The following SPG7 variants were observed in gnomAD, a reference collection of about 807,000 sequenced individuals.
The protein encoded by SPG7 is mitochondrial inner membrane m-AAA protease component paraplegin.
Under a neutral mutation model 81.9 loss-of-function variants are expected in SPG7, and 103 were observed. The ratio of observed to expected loss-of-function variants is 1.26; its 90% CI spans 1.07 to 1.48. The LOEUF is 1.48. Among genes scored for constraint, SPG7 ranks in the 40% most tolerant of loss-of-function variants. The pLI is 0.00. For synonymous variants in SPG7, 534 were observed against 444.2 expected (o/e 1.20, Z -2.54); for missense variants, 1,241 against 1,087.3 (o/e 1.14, Z -1.99).
intron 4 of SPG7, 112 bp from the exon 5 acceptor site, chr16:89,526,217 C>T (rs912275193): frequency 1.6e-6 from 2 of 1,266,994 alleles, no homozygotes; most frequent in Non-Finnish European, 2.3e-6. Flanking sequence ...GTGTCCTCTT[C>T]ACAATGCTGA....
Position 89,530,838 on chromosome 16 carries a change from G to A in SPG7, c.987+30G>A, listed in dbSNP as rs376255919. The A allele has an allele frequency of 2.0e-5, 32 of 1,613,356 alleles. No individual in the cohort carries two copies. In the African/African-American group the frequency reaches 3.2e-4, roughly 16 times the overall value. The stretch of plus-strand genomic sequence containing the variant: ...AAGCAGCGTGGGCCGGGAGGGAGGT[G>A]TGAGCAGAGGCCGGCCGTCCTCCTC... On this transcript the variant is annotated intron_variant, in intron 7 of 16. Coordinates refer to ENST00000645818, the MANE Select transcript of SPG7 (RefSeq NM_003119.4).
At chr16:89,527,145 G>C (rs967545144) in intron 5 of SPG7, 1 of 160,552 alleles carries the variant, frequency 6.2e-6, no homozygotes, top group South Asian at 1.7e-4. Flanking sequence ...TGACAAAAAT[G>C]TGTCTGTGCA....
chr16:89,540,995 T>G (rs573238856), intron 9 of SPG7: 1 of 985,162 alleles, frequency 1.0e-6, no homozygotes, highest in South Asian at 4.7e-5. Context: ...TATCACGGCG[T>G]TCTACACAGC....
intron 3 of SPG7, among the ~76,000 whole-genome samples, chr16:89,513,735 G>T (rs1236510180): frequency 9.9e-6 from 1 of 101,068 alleles, no homozygotes; most frequent in East Asian, 2.9e-4. Context: ...TTGGATCCTT[G>T]AGGCCTCTCG....
At chr16:89,554,442 C>T (rs775769825) in intron 15 of SPG7, 44 bp from the exon 16 acceptor site, 5 of 1,376,814 alleles carry the variant, frequency 3.6e-6, no homozygotes, top group Non-Finnish European at 5.1e-6. Context: ...GTGCTGGAGC[C>T]AGGCGGCCAG....
intron 3 of SPG7, 123 bp from the exon 4 acceptor site, chr16:89,523,883 G>C: frequency 8.0e-7 from 1 of 1,243,262 alleles, no homozygotes; most frequent in Non-Finnish European, 1.1e-6. Flanking sequence ...AGGAAGTGCA[G>C]GATCTTCTGT....
At chr16:89,528,068 G>C (rs914268932) in intron 5 of SPG7, among the ~76,000 whole-genome samples, 32 of 147,850 alleles carry the variant, frequency 2.2e-4, no homozygotes, top group African/African-American at 7.5e-5. Flanking sequence ...GCCCATTCTC[G>C]TGTCTTCGTA....
chr16:89,509,681 C>T (rs536262467), intron 1 of SPG7, among the ~76,000 whole-genome samples: 1 of 152,214 alleles, frequency 6.6e-6, no homozygotes, highest in South Asian at 2.1e-4. Flanking sequence ...AGCCCCGTGT[C>T]TGGGCAGCCA....
intron 8 of SPG7, 29 bp from the exon 9 acceptor site, chr16:89,532,434 A>G (rs1436460075): frequency 3.1e-6 from 5 of 1,612,528 alleles, no homozygotes; most frequent in Non-Finnish European, 4.2e-6. Flanking sequence ...TTAACTGCCC[A>G]TTTCCTGATT....
intron 2 of SPG7, 41 bp downstream of exon 2, chr16:89,510,633 A>C: frequency 8.2e-7 from 1 of 1,219,890 alleles, no homozygotes; most frequent in Non-Finnish European, 1.2e-6. Context: ...ATGACTGCAC[A>C]CTTACCGCCT....
chr16:89,522,628 C>T (rs1310908147), intron 3 of SPG7: 1 of 152,734 alleles, frequency 6.5e-6, no homozygotes, highest in Non-Finnish European at 1.5e-5. Context: ...GCTGCTGTGT[C>T]CGTGGTGGTT....
chr16:89,529,557 G>T lies in SPG7; in HGVS notation c.839G>T (p.Arg280Met). ...YVFRLAGMTGREGGFSAFNQL... is the reference protein window; with the variant it reads ...YVFRLAGMTGMEGGFSAFNQL... ...TTCCGTCTGGCCGGGATGACTGGAA[G>T]GGAAGGTGGATTCAGTGCTTTTGTA... Residue 280 changes from arginine to methionine, a missense_variant, in exon 6 of 17, where the codon AGG (arginine) becomes ATG (methionine). Coordinates refer to ENST00000645818, the MANE Select transcript of SPG7 (RefSeq NM_003119.4). 1.2e-6 allele frequency: 2 copies of T among 1,613,642 alleles called. No individual in the cohort carries two copies.
At chr16:89,548,214 A>G in intron 12 of SPG7, 101 bp downstream of exon 12, 1 of 785,908 alleles carries the variant, frequency 1.3e-6, no homozygotes. Context: ...GAACCATCAC[A>G]CAGGAAGGAA....
intron 3 of SPG7, chr16:89,521,060 G>C (rs946423543): frequency 6.6e-6 from 1 of 152,310 alleles, no homozygotes; most frequent in Non-Finnish European, 1.5e-5. Context: ...TGTGCTCACA[G>C]AGCATATGGA....
chr16:89,548,179 C>G lies in SPG7; in HGVS notation c.1663+66C>G, dbSNP rs2058589673. 8 of 1,149,824 alleles carry G rather than the reference C, an allele frequency of 7.0e-6. No individual in the cohort carries two copies. The East Asian group carries it at 1.6e-4, about 24-fold the overall frequency. The allele number at this position is 1,149,824 out of a possible 1,614,324, so 71.2% of individuals were successfully genotyped here. A position where few individuals can be genotyped will look rare whatever the true frequency, so the allele number is the denominator to read the frequency against. On this transcript the variant is annotated intron_variant, in intron 12 of 16. Coordinates refer to ENST00000645818, the MANE Select transcript of SPG7 (RefSeq NM_003119.4). ...GGCTTGAACCCCAGAAATACCCAGGCAGGTATTGAGAGGTGAGGTGGATGG... is the reference window on the plus strand; with the variant it reads ...GGCTTGAACCCCAGAAATACCCAGGGAGGTATTGAGAGGTGAGGTGGATGG...
intron 2 of SPG7, among the ~76,000 whole-genome samples, chr16:89,510,850 A>G (rs1435919017): frequency 6.6e-6 from 1 of 152,186 alleles, no homozygotes; most frequent in Non-Finnish European, 1.5e-5. Flanking sequence ...TGTAGAGACA[A>G]GGTCTCACTT....
chr16:89,543,239 G>A (rs75724594), intron 9 of SPG7: 11,938 of 143,980 alleles, frequency 0.083, 916 homozygotes, highest in African/African-American at 0.21. Context: ...GAGCCACCGC[G>A]CCTGGCTATA....
intron 5 of SPG7, chr16:89,526,674 G>C (rs1168481157): frequency 3.6e-6 from 2 of 552,972 alleles, no homozygotes; most frequent in Non-Finnish European, 6.5e-6. Flanking sequence ...ATGGGGGCTG[G>C]TTCTCGGACT....
At chr16:89,522,933 A>T (rs1310439650) in intron 3 of SPG7, 1 of 152,744 alleles carries the variant, frequency 6.5e-6, no homozygotes, top group Non-Finnish European at 1.5e-5. Flanking sequence ...GCAGGCCTCC[A>T]TGAAGAGTGA....
Sources: gnomAD v4.1 joint callset for allele counts (sites outside exome capture counted in the v4.1 genomes callset) on GRCh38, gnomAD v4.1.1 for gene constraint, MANE v1.5 for transcripts, NCBI Gene and HGNC (gene_info 2026-07-23, HGNC 2026-07-21) for gene names.